BDP1: variants seen among roughly 807,000 people sequenced by gnomAD.
BDP1 encodes the protein transcription factor TFIIIB component B'' homolog.
In BDP1, 169 loss-of-function variants were observed where a neutral mutation model predicts 266.6. The observed-to-expected ratio is 0.63, with a 90% CI of 0.56 to 0.72. BDP1 has a LOEUF of 0.72. Ranked by LOEUF, BDP1 falls within the 30% of genes least tolerant of loss-of-function variation. The probability of loss-of-function intolerance (pLI) is 0.00; values close to 1 mark genes in which losing one functional copy is unlikely to be tolerated. For missense variants in BDP1, 3,015 were observed against 3,053.8 expected (o/e 0.99, Z 0.30); for synonymous variants, 1,090 against 1,022.4 (o/e 1.07, Z -1.26).
chr5:71,541,724 C>A, intron 29 of BDP1, 42 bp downstream of exon 29: 1 of 1,241,352 alleles, frequency 8.1e-7, no homozygotes, highest in Non-Finnish European at 1.1e-6. Flanking sequence ...CTAAAACCAC[C>A]ATCAAATTAG....
In BDP1 at chr5:71,461,889, GAC is replaced by G; in HGVS notation, c.563_564del (p.Asp188ValfsTer8). 2 of 1,587,534 alleles carry G rather than the reference GAC, an allele frequency of 1.3e-6. No homozygotes were observed. Among genetic ancestry groups the G allele is most frequent in the Non-Finnish European group, 1.7e-6 (2 of 1,161,118 alleles). On this transcript the variant is annotated frameshift_variant, in exon 3 of 39. Transcript: ENST00000358731. LOFTEE classifies it high-confidence loss of function. ...PPDRSKMTMR[D>X]FIYYLPDNNP... The stretch of plus-strand genomic sequence containing the variant: ...AGATCGTTCAAAAATGACTATGAGA[GAC>G]TTCATATATTATCTACCAGATAATA...
chr5:71,513,535 T>C (rs1220710878), intron 19 of BDP1, 128 bp downstream of exon 19: 5 of 660,638 alleles, frequency 7.6e-6, no homozygotes, highest in African/African-American at 3.7e-5. Flanking sequence ...GCATGTGATA[T>C]TGCTCCCATG....
At chr5:71,478,161 A>G (rs898885187) in intron 7 of BDP1, among the ~76,000 whole-genome samples, 8 of 152,124 alleles carry the variant, frequency 5.3e-5, no homozygotes, top group African/African-American at 1.9e-4. Context: ...GAGGCAGGAG[A>G]GTCGCTTGAA....
intron 37 of BDP1, 63 bp downstream of exon 37, chr5:71,560,300 G>C (rs1743546486): frequency 2.0e-6 from 3 of 1,498,816 alleles, no homozygotes; most frequent in Non-Finnish European, 2.7e-6. Flanking sequence ...AACCTATACA[G>C]AACAGATTAG....
intron 25 of BDP1, among the ~76,000 whole-genome samples, chr5:71,525,222 C>G (rs1371329872): frequency 6.6e-6 from 1 of 151,254 alleles, no homozygotes. Context: ...CGGGCAGAGG[C>G]GCCCCTCACC....
At chr5:71,463,660 A>G (rs2150351362) in intron 3 of BDP1, among the ~76,000 whole-genome samples, 1 of 152,058 alleles carries the variant, frequency 6.6e-6, no homozygotes, top group South Asian at 2.1e-4. Context: ...CGTCTCTACA[A>G]AAAATTAAAA....
chr5:71,513,358 T>C lies in BDP1; in HGVS notation c.4421T>C (p.Ile1474Thr), dbSNP rs764186096. The C allele has an allele frequency of 3.8e-6, 6 of 1,598,784 alleles. No individual in the cohort carries two copies. Among genetic ancestry groups the C allele is most frequent in the Non-Finnish European group, 5.1e-6 (6 of 1,173,272 alleles). Reference protein sequence around the residue: ...KKSETKKMETIVMQENNEQTD... With the variant: ...KKSETKKMETTVMQENNEQTD... ...TCAGAAACCAAGAAAATGGAGACTATTGTGATGCAAGAAAATAATGAACAA... is the reference window on the plus strand; with the variant it reads ...TCAGAAACCAAGAAAATGGAGACTACTGTGATGCAAGAAAATAATGAACAA... Residue 1474 changes from isoleucine (I) to threonine (T), a missense_variant, in exon 19 of 39, where the codon ATT becomes ACT. Transcript: ENST00000358731.
intron 4 of BDP1, among the ~76,000 whole-genome samples, chr5:71,465,215 G>A (rs1348460948): frequency 1.3e-5 from 2 of 151,882 alleles, no homozygotes; most frequent in Non-Finnish European, 2.9e-5. Flanking sequence ...TAACCCTGAA[G>A]GATTGTACTG....
intron 8 of BDP1, 64 bp downstream of exon 8, chr5:71,483,960 G>T: frequency 7.7e-7 from 1 of 1,301,526 alleles, no homozygotes; most frequent in East Asian, 2.3e-5. Context: ...CCAGTCTTTT[G>T]TCTTTGGCTT....
At chr5:71,527,452 T>C (rs1017949921) in intron 25 of BDP1, among the ~76,000 whole-genome samples, 3 of 152,178 alleles carry the variant, frequency 2.0e-5, no homozygotes, top group Non-Finnish European at 1.5e-5. Context: ...CCCTAACCTT[T>C]TGGCAACCAC....
At chr5:71,527,716 G>T (rs1765977358) in intron 25 of BDP1, among the ~76,000 whole-genome samples, 1 of 151,984 alleles carries the variant, frequency 6.6e-6, no homozygotes, top group Non-Finnish European at 1.5e-5. Context: ...AATAATGCTG[G>T]TATGAACATA....
chr5:71,576,016 C>G, the BDP1 span, among the ~76,000 whole-genome samples: 2 of 152,142 alleles, frequency 1.3e-5, no homozygotes, highest in Non-Finnish European at 2.9e-5. Flanking sequence ...GAGAGAAGAT[C>G]GACCAGAGTC....
Position 71,522,202 on chromosome 5 carries a change from G to C in BDP1, c.4992-87G>C, listed in dbSNP as rs1468934566. ...AGTCCTTTGAACATAGAATTGATTT[G>C]TATCCAAAATTGTTTGATGTAACAG... is the stretch of plus-strand genomic sequence containing the variant. On this transcript the variant is annotated intron_variant, in intron 22 of 38. Transcript: ENST00000358731. 3 of 994,018 alleles carry C rather than the reference G, an allele frequency of 3.0e-6. No individual in the cohort carries two copies. In the East Asian group the frequency reaches 7.2e-5, roughly 24 times the overall value. 61.6% of individuals were successfully genotyped at this position (994,018 alleles called of 1,614,324 possible).
chr5:71,539,445 A>G, intron 27 of BDP1, 112 bp from the exon 28 acceptor site: 3 of 733,454 alleles, frequency 4.1e-6, no homozygotes, highest in Non-Finnish European at 6.8e-6. Context: ...AATGGCTCAG[A>G]GGATATTGGA....
At chr5:71,562,019 C>T (rs1053660434) in intron 37 of BDP1, among the ~76,000 whole-genome samples, 2 of 151,712 alleles carry the variant, frequency 1.3e-5, no homozygotes, top group Admixed American at 6.6e-5. Context: ...CTGAGGCAGG[C>T]AGATGACGAC....
chr5:71,479,707 C>CGGCTA, intron 7 of BDP1, among the ~76,000 whole-genome samples: 1 of 149,946 alleles, frequency 6.7e-6, no homozygotes, highest in African/African-American at 2.4e-5. Flanking sequence ...CCACCACGCC[C>CGGCTA]GGCTAATTTT....
intron 22 of BDP1, among the ~76,000 whole-genome samples, chr5:71,520,678 A>G (rs1467017358): frequency 1.3e-5 from 2 of 152,206 alleles, no homozygotes; most frequent in African/African-American, 4.8e-5. Context: ...GCTGTGTGCC[A>G]GGCATTGTTC....
At chr5:71,523,014 C>G in intron 24 of BDP1, 65 bp downstream of exon 24, 1 of 1,412,938 alleles carries the variant, frequency 7.1e-7, no homozygotes, top group African/African-American at 1.5e-5. Flanking sequence ...TTTACCTTAA[C>G]TTACTGGTAG....
At chr5:71,524,566 C>T (rs575469993) in intron 25 of BDP1, among the ~76,000 whole-genome samples, 144 of 151,928 alleles carry the variant, frequency 9.5e-4, no homozygotes, top group Middle Eastern at 6.8e-3. Flanking sequence ...ACACTTGTAC[C>T]TGGAAGCTGT....
Sources: allele counts gnomAD v4.1 joint callset (sites outside exome capture counted in the v4.1 genomes callset), GRCh38; gene constraint gnomAD v4.1.1; transcripts MANE v1.5; gene names NCBI Gene and HGNC (gene_info 2026-07-23, HGNC 2026-07-21).